Variants in RELN observed in about 807,000 individuals in gnomAD.
The protein encoded by RELN is reelin.
Under a neutral mutation model 427.6 loss-of-function variants are expected in RELN, and 108 were observed. The observed-to-expected ratio is 0.25, with a 90% confidence interval of 0.22 to 0.30. The LOEUF (loss-of-function observed/expected upper bound fraction) is 0.30, where lower values mean the gene tolerates loss of function less well. RELN is among the 10% of genes least tolerant of loss of function. RELN has a pLI of 1.00. For missense variants in RELN, 3,715 were observed against 4,302.8 expected, an observed-to-expected ratio of 0.86 and a Z score of 3.82; for synonymous variants, 1,524 against 1,513.4, an observed-to-expected ratio of 1.01 and a Z score of -0.16.
chr7:103,745,100 G>T (rs1031035842), intron 6 of RELN, among the ~76,000 whole-genome samples: 1 of 152,088 alleles, frequency 6.6e-6, no homozygotes, highest in Non-Finnish European at 1.5e-5. Flanking sequence ...GGGATGCAAG[G>T]CTGGTTCAAT....
chr7:103,514,423 G>A (rs1445137401), intron 50 of RELN, among the ~76,000 whole-genome samples: 1 of 152,192 alleles, frequency 6.6e-6, no homozygotes, highest in Non-Finnish European at 1.5e-5. Context: ...ACACTGGGAG[G>A]CCGAGGTGGG....
At chr7:103,488,227 C>A (rs1828514180) in intron 60 of RELN, among the ~76,000 whole-genome samples, 1 of 152,260 alleles carries the variant, frequency 6.6e-6, no homozygotes, top group South Asian at 2.1e-4. Context: ...TAAGAGACCA[C>A]TGAACTGAAT....
intron 46 of RELN, among the ~76,000 whole-genome samples, chr7:103,530,316 T>A (rs1268722664): frequency 6.6e-6 from 1 of 152,250 alleles, no homozygotes; most frequent in African/African-American, 2.4e-5. Context: ...TCTTGATGTA[T>A]GTAACGGAGA....
intron 6 of RELN, among the ~76,000 whole-genome samples, chr7:103,747,012 C>T (rs1790854290): frequency 6.6e-6 from 1 of 152,088 alleles, no homozygotes; most frequent in African/African-American, 2.4e-5. Flanking sequence ...TTGGAACCAA[C>T]CTAAATGTCC....
chr7:103,555,550 C>G (rs1005668567), intron 38 of RELN, among the ~76,000 whole-genome samples: 1 of 152,124 alleles, frequency 6.6e-6, no homozygotes, highest in Admixed American at 6.6e-5. Flanking sequence ...TCGGTTCACT[C>G]CAACCTCTGC....
In RELN at chr7:103,610,714, G is replaced by A. The variant is rs362691; in HGVS notation, c.2989C>T (p.Leu997Phe). Residue 997 changes from leucine to phenylalanine, a missense_variant, in exon 22 of 65, where the codon CTT (leucine) becomes TTT (phenylalanine). Around this residue, in one of 4 missense-constraint regions of RELN, gnomAD observed 2,208 missense variants for 2,361.7 expected, o/e 0.93. Transcript: ENST00000428762. ...EFTQWRRVIV[L>F]LPQKTWSSAT... ...TCTCACCAAGTTTTCTGGGGAAGAA[G>A]CACTATGACTCTCCTCCACTGTGTA... 16 of 1,583,628 alleles carry A rather than the reference G, an allele frequency of 1.0e-5. No individual in the cohort carries two copies. The African/African-American group carries it at 1.1e-4, about 11-fold the overall frequency.
intron 1 of RELN, among the ~76,000 whole-genome samples, chr7:103,975,458 A>C (rs1378289289): frequency 6.6e-6 from 1 of 152,222 alleles, no homozygotes; most frequent in Non-Finnish European, 1.5e-5. Context: ...GGACGATAAT[A>C]GCAATGAAGA....
chr7:103,950,394 G>C (rs933261493), intron 1 of RELN, among the ~76,000 whole-genome samples: 1 of 151,732 alleles, frequency 6.6e-6, no homozygotes, highest in African/African-American at 2.4e-5. Flanking sequence ...AAAATTTCAA[G>C]AAATGTATAA....
chr7:103,709,294 A>G (rs1004537196), intron 8 of RELN, among the ~76,000 whole-genome samples: 5 of 152,148 alleles, frequency 3.3e-5, no homozygotes, highest in African/African-American at 1.2e-4. Context: ...ACAACATCAC[A>G]TGGTTCTGCC....
rs1830981860 is a variant in RELN, at chr7:103,575,673, C to G, written c.4178G>C (p.Ser1393Thr). Residue 1393 changes from serine to threonine, a missense_variant, in exon 29 of 65, where the codon AGC (serine) becomes ACC (threonine). Around this residue, in one of 4 missense-constraint regions of RELN, gnomAD observed 2,208 missense variants for 2,361.7 expected, o/e 0.93. Transcript: ENST00000428762. ...AAATGGAGGCACGTTTTTCTGTGAG[C>G]TGCTCTCCTGGATCCATCGGAATCT... Reference protein sequence around the residue: ...KTRFRWIQESSSQKNVPPFGL... With the variant: ...KTRFRWIQESTSQKNVPPFGL... The G allele has an allele frequency of 6.2e-7, 1 of 1,614,032 alleles. No individual in the cohort carries two copies. The highest frequency in any genetic ancestry group is 1.3e-5 in the African/African-American group (1 of 74,918).
chr7:103,983,030 G>T (rs1192256290), intron 1 of RELN, among the ~76,000 whole-genome samples: 1 of 152,178 alleles, frequency 6.6e-6, no homozygotes, highest in East Asian at 1.9e-4. Context: ...CAGCATTAAA[G>T]GATAACCTGC....
intron 1 of RELN, among the ~76,000 whole-genome samples, chr7:103,986,487 T>C (rs1030239039): frequency 6.6e-6 from 1 of 152,128 alleles, no homozygotes; most frequent in Non-Finnish European, 1.5e-5. Context: ...ACTTTTATTC[T>C]AGACTGGCAA....
chr7:103,961,058 A>C (rs779898195), intron 1 of RELN, among the ~76,000 whole-genome samples: 2 of 152,256 alleles, frequency 1.3e-5, no homozygotes, highest in Non-Finnish European at 2.9e-5. Flanking sequence ...TTGGTCAGCA[A>C]AGTGCTAATG....
intron 59 of RELN, 101 bp downstream of exon 59, chr7:103,490,567 G>A: frequency 2.0e-5 from 25 of 1,280,280 alleles, no homozygotes; most frequent in Non-Finnish European, 2.8e-5. Context: ...AGGGCTGCAT[G>A]TAAAGCTCTG....
chr7:103,837,973 C>G (rs188323285), intron 2 of RELN, among the ~76,000 whole-genome samples: 1 of 151,878 alleles, frequency 6.6e-6, no homozygotes, highest in African/African-American at 2.4e-5. Context: ...TTTGGGAGGC[C>G]GAGGTGGGTG....
chr7:103,557,661 A>C (rs1336888034), intron 37 of RELN, among the ~76,000 whole-genome samples: 2 of 152,218 alleles, frequency 1.3e-5, no homozygotes, highest in African/African-American at 2.4e-5. Flanking sequence ...ACATTTTAAA[A>C]TTTAAATTTC....
chr7:103,596,741 G>T, intron 24 of RELN, 80 bp from the exon 25 acceptor site: 1 of 1,176,804 alleles, frequency 8.5e-7, no homozygotes, highest in Non-Finnish European at 1.3e-6. Flanking sequence ...AAATTCACAT[G>T]GACATCTTAG....
intron 2 of RELN, among the ~76,000 whole-genome samples, chr7:103,838,257 A>G (rs1793462730): frequency 1.3e-5 from 2 of 151,582 alleles, no homozygotes; most frequent in Admixed American, 1.3e-4. Flanking sequence ...GAATAAATAC[A>G]ACTTATAATA....
rs761717557 is a variant in RELN at position 103,557,044 on chromosome 7, A to G, written c.5730T>C (p.Asn1910=). ...FPQTTNILFI[N]VPLPYTAQTN... is the part of the protein sequence containing the mutation. ...TTTGGGCAGTGTATGGCAAGGGAAC[A>G]TTGATGAAAAGTATATTCGTTGTTT... is the stretch of plus-strand genomic sequence containing the variant. Residue 1910 remains asparagine, a synonymous_variant, in exon 38 of 65, where the codon AAT becomes AAC. Transcript: ENST00000428762. The G allele has an allele frequency of 5.6e-6, 9 of 1,613,778 alleles. No homozygotes were observed. Among genetic ancestry groups the G allele is most frequent in the Admixed American group, 3.3e-5 (2 of 60,010 alleles).
Sources: allele counts gnomAD v4.1 joint callset (sites outside exome capture counted in the v4.1 genomes callset), GRCh38; gene constraint gnomAD v4.1.1; regional missense constraint gnomAD v4.1.1; transcripts MANE v1.5; gene names NCBI Gene and HGNC (gene_info 2026-07-23, HGNC 2026-07-21).